Variants in PALM2AKAP2 observed in about 807,000 individuals in gnomAD.
PALM2AKAP2 encodes the protein PALM2 and AKAP2 fusion.
PALM2AKAP2 carries 37 observed loss-of-function variants against 71.5 expected under a neutral mutation model. The observed-to-expected ratio is 0.52, with a 90% CI of 0.40 to 0.68. The LOEUF is 0.68. Ranked by LOEUF, PALM2AKAP2 falls within the 30% of genes least tolerant of loss-of-function variation. PALM2AKAP2 has a pLI of 0.00. For missense variants in PALM2AKAP2, 1,224 were observed against 1,191.8 expected, an observed-to-expected ratio of 1.03 and a Z score of -0.40; for synonymous variants, 468 against 478.8, an observed-to-expected ratio of 0.98 and a Z score of 0.29.
rs190462108 is a variant in PALM2AKAP2, at chr9:110,014,981, A to C, written c.497-973A>C. Among the ~76,000 whole-genome samples, 277 of 151,510 alleles carry C rather than the reference A, an allele frequency of 1.8e-3. 3 individuals are homozygous for C. The highest frequency in any genetic ancestry group is 4.4e-4 in the Non-Finnish European group (30 of 67,930). On this transcript the variant is annotated intron_variant, in intron 6 of 9. Transcript: ENST00000302798. ...CTATATTGTGTTTAAAGATATTTCA[A>C]AACACCACACTGGCCCCTGATCTTT...
intron 1 of PALM2AKAP2, among the ~76,000 whole-genome samples, chr9:110,077,469 G>A (rs1325328671): frequency 1.3e-5 from 2 of 152,074 alleles, no homozygotes; most frequent in South Asian, 2.1e-4. Context: ...GACAGAAAGC[G>A]GGTTATATGA....
intron 1 of PALM2AKAP2, among the ~76,000 whole-genome samples, chr9:109,694,154 A>T (rs557884810): frequency 6.6e-6 from 1 of 152,106 alleles, no homozygotes; most frequent in South Asian, 2.1e-4. Flanking sequence ...GAATTCATGA[A>T]CTTTTCTCAA....
At chr9:109,768,006 T>TGGG (rs1441815974) in intron 1 of PALM2AKAP2, among the ~76,000 whole-genome samples, 1 of 101,044 alleles carries the variant, frequency 9.9e-6, no homozygotes, top group East Asian at 2.8e-4. Flanking sequence ...CAAAGGCAGG[T>TGGG]AGGTAGGAAG....
chr9:109,849,673 T>C (rs1006630128), intron 1 of PALM2AKAP2, among the ~76,000 whole-genome samples: 4 of 152,102 alleles, frequency 2.6e-5, no homozygotes, highest in African/African-American at 9.7e-5. Context: ...GGAGAATCAC[T>C]TGAACCCGGG....
At chr9:109,782,466 T>C (rs1297950178) in intron 1 of PALM2AKAP2, among the ~76,000 whole-genome samples, 4 of 152,178 alleles carry the variant, frequency 2.6e-5, no homozygotes, top group Admixed American at 1.3e-4. Flanking sequence ...GTACTGAACA[T>C]GTACAGACTT....
intron 1 of PALM2AKAP2, among the ~76,000 whole-genome samples, chr9:109,738,852 A>G (rs955708876): frequency 1.3e-5 from 2 of 152,094 alleles, no homozygotes; most frequent in African/African-American, 4.8e-5. Context: ...GCGCCCCTGC[A>G]ATTAATTAAA....
At chr9:109,687,444 T>C (rs1827821395) in intron 1 of PALM2AKAP2, among the ~76,000 whole-genome samples, 1 of 152,246 alleles carries the variant, frequency 6.6e-6, no homozygotes, top group Non-Finnish European at 1.5e-5. Context: ...GAGCACTTGC[T>C]ACTTTGTCTT....
chr9:109,866,907 T>C (rs1829462132), intron 1 of PALM2AKAP2: 4 of 398,082 alleles, frequency 1.0e-5, no homozygotes, highest in South Asian at 3.7e-5. Context: ...CCACATGAAA[T>C]GCTACCCCAA....
At chr9:109,811,741 A>T (rs529574654) in intron 1 of PALM2AKAP2, among the ~76,000 whole-genome samples, 2 of 152,010 alleles carry the variant, frequency 1.3e-5, no homozygotes, top group African/African-American at 2.4e-5. Context: ...CTGGCTAATT[A>T]AAAAAAATTA....
intron 1 of PALM2AKAP2, among the ~76,000 whole-genome samples, chr9:109,680,211 A>T (rs1444896657): frequency 6.6e-6 from 1 of 152,238 alleles, no homozygotes; most frequent in Non-Finnish European, 1.5e-5. Flanking sequence ...TTTGATTCAA[A>T]TGATGCAGAT....
Position 110,162,027 on chromosome 9 carries a change from G to T in PALM2AKAP2, c.2748+5530G>T, listed in dbSNP as rs922961947. On this transcript the variant is annotated intron_variant, in intron 3 of 3. Transcript: ENST00000374525. ...CTCTTCTGGTGTGGTGCCTGTTCCCGGCTAGGGGGTGTTCTGTAAGTGTGT... is the reference window on the plus strand; with the variant it reads ...CTCTTCTGGTGTGGTGCCTGTTCCCTGCTAGGGGGTGTTCTGTAAGTGTGT... The T allele has an allele frequency of 5.7e-6, 9 of 1,586,876 alleles. No homozygotes were observed. In the African/African-American group the frequency reaches 1.1e-4, roughly 19 times the overall value.
intron 4 of PALM2AKAP2, 55 bp downstream of exon 4, chr9:109,923,904 A>C: frequency 6.8e-7 from 1 of 1,477,326 alleles, no homozygotes; most frequent in African/African-American, 1.4e-5. Context: ...AGTAGGGCCT[A>C]GCAAAATGGT....
intron 3 of PALM2AKAP2, among the ~76,000 whole-genome samples, chr9:110,160,801 C>T (rs866689438): frequency 6.6e-6 from 1 of 152,176 alleles, no homozygotes; most frequent in African/African-American, 2.4e-5. Context: ...TTACTTTTAG[C>T]GCAGGATCTG....
At chr9:109,855,901 T>G (rs1343391108) in intron 1 of PALM2AKAP2, among the ~76,000 whole-genome samples, 1 of 152,204 alleles carries the variant, frequency 6.6e-6, no homozygotes, top group African/African-American at 2.4e-5. Context: ...TTTTTTAACC[T>G]GAAAAGATAG....
At chr9:109,722,565 A>C (rs1173375458) in intron 1 of PALM2AKAP2, among the ~76,000 whole-genome samples, 1 of 152,194 alleles carries the variant, frequency 6.6e-6, no homozygotes, top group Non-Finnish European at 1.5e-5. Flanking sequence ...TGAATCCAGG[A>C]GCTCAATACT....
chr9:109,974,355 C>T (rs1377994833), intron 6 of PALM2AKAP2, among the ~76,000 whole-genome samples: 1 of 152,172 alleles, frequency 6.6e-6, no homozygotes, highest in African/African-American at 2.4e-5. Flanking sequence ...AGGAACCTAC[C>T]ATGTGCTTCC....
At chr9:109,689,487 A>G (rs1056533460) in intron 1 of PALM2AKAP2, among the ~76,000 whole-genome samples, 1 of 152,180 alleles carries the variant, frequency 6.6e-6, no homozygotes, top group African/African-American at 2.4e-5. Flanking sequence ...GGCGTGAGCC[A>G]CTGCTCCTGG....
At chr9:109,930,491 G>T (rs1169493964) in intron 5 of PALM2AKAP2, among the ~76,000 whole-genome samples, 1 of 152,216 alleles carries the variant, frequency 6.6e-6, no homozygotes, top group East Asian at 1.9e-4. Context: ...CTCCCAAAGT[G>T]CTGGGATTAC....
intron 1 of PALM2AKAP2, among the ~76,000 whole-genome samples, chr9:109,845,844 C>A (rs1283221870): frequency 6.6e-6 from 1 of 152,194 alleles, no homozygotes; most frequent in African/African-American, 2.4e-5. Flanking sequence ...TGCTACCACA[C>A]CCAGCCATCA....
Sources: gnomAD v4.1 joint callset for allele counts (sites outside exome capture counted in the v4.1 genomes callset) on GRCh38, gnomAD v4.1.1 for gene constraint, MANE v1.5 for transcripts, NCBI Gene and HGNC (gene_info 2026-07-23, HGNC 2026-07-21) for gene names.